Variants in NDST4 observed in about 807,000 individuals in gnomAD.
NDST4 encodes the protein N-deacetylase and N-sulfotransferase 4, also known as N-heparan sulfate sulfotransferase 4.
In NDST4, 63 loss-of-function variants were observed where a neutral mutation model predicts 100.8. The ratio of observed to expected loss-of-function variants is 0.62; its 90% CI spans 0.51 to 0.77. The LOEUF (loss-of-function observed/expected upper bound fraction) is 0.77, where lower values mean the gene tolerates loss of function less well. Among genes scored for constraint, NDST4 ranks in the 30% least tolerant of loss-of-function variants. The pLI, the probability that NDST4 is intolerant of heterozygous loss-of-function variation, is 0.00. For synonymous variants in NDST4, 377 were observed against 361.8 expected (o/e 1.04, Z -0.48); for missense variants, 943 against 1,018.4 (o/e 0.93, Z 1.01).
rs1729192588 is a variant in NDST4, at chr4:115,076,702, G to A, written c.335C>T (p.Pro112Leu). 3.7e-6 allele frequency: 6 copies of A among 1,613,870 alleles called. No individual in the cohort carries two copies. Among genetic ancestry groups the A allele is most frequent in the Non-Finnish European group, 4.2e-6 (5 of 1,179,904 alleles). Residue 112 changes from proline to leucine, a missense_variant, in exon 2 of 14, where the codon CCT becomes CTT. Around this residue, in one of 2 missense-constraint regions of NDST4, gnomAD observed 417 missense variants for 384.2 expected, o/e 1.09. Coordinates refer to ENST00000264363, the MANE Select transcript of NDST4 (RefSeq NM_022569.3). ...AAGAGGAGGTATATCTCCCTTTCCAGGGGCAATAACCATGTGGTACTGAAA... is the reference window on the plus strand; with the variant it reads ...AAGAGGAGGTATATCTCCCTTTCCAAGGGCAATAACCATGTGGTACTGAAA... ...SRFQYHMVIA[P>L]GKGDIPPLTD...
At chr4:114,908,750 G>A (rs1186541005) in intron 6 of NDST4, among the ~76,000 whole-genome samples, 2 of 152,042 alleles carry the variant, frequency 1.3e-5, no homozygotes, top group Non-Finnish European at 2.9e-5. Context: ...CGTACACACG[G>A]GAGACTTTCA....
At chr4:115,056,670 A>C (rs1447755596) in intron 2 of NDST4, among the ~76,000 whole-genome samples, 1 of 152,166 alleles carries the variant, frequency 6.6e-6, no homozygotes, top group Non-Finnish European at 1.5e-5. Context: ...CTGTTTCTCC[A>C]TAAAACCAAA....
At chr4:114,971,178 G>C (rs192627282) in intron 3 of NDST4, among the ~76,000 whole-genome samples, 217 of 151,692 alleles carry the variant, frequency 1.4e-3, no homozygotes, top group African/African-American at 5.0e-3. Flanking sequence ...TAATATTTTT[G>C]CATGCTTAAA....
At chr4:115,069,074 A>G (rs1216360045) in intron 2 of NDST4, among the ~76,000 whole-genome samples, 1 of 152,156 alleles carries the variant, frequency 6.6e-6, no homozygotes, top group Non-Finnish European at 1.5e-5. Context: ...ACTCAAGTTA[A>G]AAAGAAATAA....
intron 6 of NDST4, among the ~76,000 whole-genome samples, chr4:114,919,126 C>T (rs935179598): frequency 1.1e-4 from 17 of 152,130 alleles, no homozygotes; most frequent in African/African-American, 4.1e-4. Context: ...TTCCAATGCT[C>T]ATGAAGATAT....
At chr4:115,073,434 A>T (rs1729118501) in intron 2 of NDST4, among the ~76,000 whole-genome samples, 1 of 152,076 alleles carries the variant, frequency 6.6e-6, no homozygotes, top group Non-Finnish European at 1.5e-5. Flanking sequence ...TCAGTGGATA[A>T]ACGGATAAAG....
At position 114,947,974 on chromosome 4, in the gene NDST4, C is replaced by T. The variant is rs530114333; in HGVS notation, c.1222-10471G>A. ...AAATGTCCTTTTCGAAGCTGTCTAC[C>T]GTGTGCTTCATTTTATGATTATGAA... On this transcript the variant is annotated intron_variant, in intron 4 of 13. Coordinates refer to ENST00000264363, the MANE Select transcript of NDST4 (RefSeq NM_022569.3). Among the ~76,000 whole-genome samples the T allele has an allele frequency of 1.6e-4, 25 of 152,042 alleles. No individual in the cohort carries two copies. In the South Asian group the frequency reaches 5.2e-3, roughly 32 times the overall value.
rs1168301914 is a variant in NDST4, at chr4:114,933,426, C to CTTTTCCTTTTTTTTTTTTTT, written c.1536+1760_1536+1779dup. 7.1e-4 allele frequency among the ~76,000 whole-genome samples: 76 copies of CTTTTCCTTTTTTTTTTTTTT among 107,004 alleles called. No homozygotes were observed. In the East Asian group the frequency reaches 7.4e-3, roughly 10 times the overall value. The allele number at this position is 107,004 out of a possible 152,430, so 70.2% of individuals were successfully genotyped here. Reference sequence around the variant, plus strand: ...ACATTGGACTGGGAATTGATTTTTTCTTTTCCTTTTTTTTTTTTTTTTTTT... The same window carrying CTTTTCCTTTTTTTTTTTTTT: ...ACATTGGACTGGGAATTGATTTTTTCTTTTCCTTTTTTTTTTTTTTTTTTCCTTTTTTTTTTTTTTTTTTT... On this transcript the variant is annotated intron_variant, in intron 6 of 13. Transcript: ENST00000264363.
chr4:114,969,831 T>A (rs191821879), intron 4 of NDST4, among the ~76,000 whole-genome samples: 2 of 152,346 alleles, frequency 1.3e-5, no homozygotes, highest in East Asian at 3.9e-4. Context: ...ATATAACTAA[T>A]AATAGGATTG....
intron 1 of NDST4, among the ~76,000 whole-genome samples, chr4:115,113,203 T>A (rs1159742441): frequency 6.6e-6 from 1 of 151,496 alleles, no homozygotes; most frequent in African/African-American, 2.4e-5. Flanking sequence ...TTGTATCTCT[T>A]TTTTTTTATG....
chr4:114,883,578 T>A (rs868595325), intron 6 of NDST4, among the ~76,000 whole-genome samples: 1 of 152,064 alleles, frequency 6.6e-6, no homozygotes, highest in Non-Finnish European at 1.5e-5. Flanking sequence ...TTACAACTGG[T>A]ATAAATAATT....
In NDST4 at chr4:115,076,295, A is replaced by T. The variant is rs151200970; in HGVS notation, c.742T>A (p.Ser248Thr). ...ACCGTTGCAAAGAGTGTTTTGCTAG[A>T]CAAGGATGACAGGGATTTTTCTGTC... The part of the protein sequence containing the change: ...LQTEKSLSSL[S>T]SKTLFATVIQ... The change falls in exon 2 of 14, where the codon TCT becomes ACT. Residue 248 changes from serine (S) to threonine (T), a missense_variant. Coordinates refer to ENST00000264363, the MANE Select transcript of NDST4 (RefSeq NM_022569.3). The T allele has an allele frequency of 4.3e-4, 699 of 1,613,996 alleles. 3 individuals are homozygous for T. Among genetic ancestry groups the T allele is most frequent in the South Asian group, 3.0e-3 (274 of 91,082 alleles).
At chr4:115,078,950 A>C (rs966845576) in intron 1 of NDST4, among the ~76,000 whole-genome samples, 3 of 152,148 alleles carry the variant, frequency 2.0e-5, no homozygotes, top group African/African-American at 7.2e-5. Context: ...TTAAAGGAGA[A>C]GCAGAACTGT....
At chr4:115,026,293 T>C (rs1050872298) in intron 2 of NDST4, among the ~76,000 whole-genome samples, 2 of 152,122 alleles carry the variant, frequency 1.3e-5, no homozygotes, top group Non-Finnish European at 2.9e-5. Flanking sequence ...AAAAATGTCA[T>C]GGAGAAAGTT....
intron 7 of NDST4, among the ~76,000 whole-genome samples, chr4:114,853,436 T>C (rs1723723096): frequency 6.6e-6 from 1 of 152,218 alleles, no homozygotes; most frequent in Non-Finnish European, 1.5e-5. Context: ...ATACCCAATG[T>C]ATCCATTGGT....
intron 5 of NDST4, among the ~76,000 whole-genome samples, 173 bp from the exon 6 acceptor site, chr4:114,935,507 A>C (rs1337821688): frequency 6.6e-6 from 1 of 151,620 alleles, no homozygotes; most frequent in Non-Finnish European, 1.5e-5. Flanking sequence ...GTAAATATTA[A>C]GGGAGTTTCC....
chr4:114,841,023 T>C (rs1228785717), intron 10 of NDST4, among the ~76,000 whole-genome samples: 1 of 152,180 alleles, frequency 6.6e-6, no homozygotes, highest in Non-Finnish European at 1.5e-5. Flanking sequence ...ATTATATAAT[T>C]TCAATGAAGA....
chr4:114,838,226 G>A (rs1227336851), intron 11 of NDST4, among the ~76,000 whole-genome samples: 4 of 152,142 alleles, frequency 2.6e-5, no homozygotes. Context: ...TGGTGGGAGT[G>A]TAAATTAGCT....
intron 10 of NDST4, among the ~76,000 whole-genome samples, chr4:114,841,417 G>T (rs1723420463): frequency 6.6e-6 from 1 of 152,046 alleles, no homozygotes; most frequent in African/African-American, 2.4e-5. Context: ...AGCAGTGTGG[G>T]GCCCTGCTCA....
Sources: allele counts gnomAD v4.1 joint callset (sites outside exome capture counted in the v4.1 genomes callset), GRCh38; gene constraint gnomAD v4.1.1; regional missense constraint gnomAD v4.1.1; transcripts MANE v1.5; gene names NCBI Gene and HGNC (gene_info 2026-07-23, HGNC 2026-07-21).